DNAI7: variants seen among roughly 807,000 people sequenced by gnomAD.
DNAI7 encodes the protein cancer susceptibility 1.
A neutral mutation model predicts 86.6 loss-of-function variants in DNAI7; 78 were observed. The observed-to-expected ratio is 0.90, with a 90% CI of 0.75 to 1.09. DNAI7 has a LOEUF of 1.09. DNAI7 is among the 50% of genes least tolerant of loss of function. The pLI, the probability that DNAI7 is intolerant of heterozygous loss-of-function variation, is 0.00. For missense variants in DNAI7, 753 were observed against 810.2 expected (o/e 0.93, Z 0.86); for synonymous variants, 274 against 273.0 (o/e 1.00, Z -0.04).
At chr12:25,161,039 G>A in intron 3 of DNAI7, 74 bp downstream of exon 3, 2 of 1,042,586 alleles carry the variant, frequency 1.9e-6, no homozygotes, top group Non-Finnish European at 2.9e-6. Context: ...AAAAAATATT[G>A]ACTTTACTAC....
At position 25,114,785 on chromosome 12, in the gene DNAI7, G is replaced by A. The variant is rs148144728; in HGVS notation, c.1482C>T (p.Gly494=). 3.1e-6 allele frequency: 5 copies of A among 1,613,952 alleles called. No individual in the cohort carries two copies. In the East Asian group the frequency reaches 1.1e-4, roughly 36 times the overall value. ...RLVTFSLDTF[G]PVTLIQDAHI... ...GAGCATCTTGAATCAAGGTAACAGG[G>A]CCAAAGGTGTCCAGGCTGAATGTTA... The change falls in exon 13 of 16, where the codon GGC becomes GGT. Residue 494 remains glycine (G), a synonymous_variant. Transcript: ENST00000395987.
At chr12:25,132,305 C>G (rs1051162584) in intron 9 of DNAI7, among the ~76,000 whole-genome samples, 3 of 152,014 alleles carry the variant, frequency 2.0e-5, no homozygotes, top group Non-Finnish European at 4.4e-5. Flanking sequence ...CAAAAGATAG[C>G]CACTCTTTGG....
chr12:25,163,330 G>C (rs760703752), intron 2 of DNAI7, among the ~76,000 whole-genome samples: 11 of 152,010 alleles, frequency 7.2e-5, no homozygotes, highest in African/African-American at 2.4e-4. Context: ...AGTGAAAATG[G>C]CCTGTTCCTG....
chr12:25,195,099 A>G lies in DNAI7; in HGVS notation c.-21T>C, dbSNP rs756802516. On this transcript the variant is annotated 5_prime_UTR_variant, in exon 1 of 16. Transcript: ENST00000395987. ...ACCATTAAGAGTCAAGCTCCACTGC[A>G]GTAGTCCGCAGAGTCGGAGCAGAAA... 3 of 1,613,362 alleles carry G rather than the reference A, an allele frequency of 1.9e-6. No homozygotes were observed. The highest frequency in any genetic ancestry group is 2.5e-6 in the Non-Finnish European group (3 of 1,179,260).
chr12:25,110,477 C>T (rs1949734239), intron 14 of DNAI7, among the ~76,000 whole-genome samples: 1 of 152,172 alleles, frequency 6.6e-6, no homozygotes, highest in African/African-American at 2.4e-5. Context: ...TCCACATATA[C>T]CCCATTACCT....
At chr12:25,157,242 C>T (rs1946286775) in intron 4 of DNAI7, among the ~76,000 whole-genome samples, 1 of 140,322 alleles carries the variant, frequency 7.1e-6, no homozygotes, top group African/African-American at 2.7e-5. Flanking sequence ...TGTGCCACTG[C>T]ACTCCAGCCT....
At chr12:25,193,521 A>C (rs931520440) in intron 1 of DNAI7, among the ~76,000 whole-genome samples, 1 of 152,056 alleles carries the variant, frequency 6.6e-6, no homozygotes, top group Non-Finnish European at 1.5e-5. Flanking sequence ...TTCTTTAACC[A>C]CTCAGTTTGT....
intron 2 of DNAI7, among the ~76,000 whole-genome samples, chr12:25,186,012 GAAGAA>G (rs1949997676): frequency 6.6e-6 from 1 of 152,146 alleles, no homozygotes; most frequent in Non-Finnish European, 1.5e-5. Context: ...TTCTTCATTG[GAAGAA>G]AAGTCATAAA....
intron 6 of DNAI7, 98 bp downstream of exon 6, chr12:25,154,220 TA>T: frequency 1.1e-6 from 1 of 915,660 alleles, no homozygotes; most frequent in Non-Finnish European, 1.6e-6. Flanking sequence ...TCAAAAGCAG[TA>T]GTGTTATTAC....
downstream of DNAI7, chr12:25,107,126 C>A: frequency 3.0e-6 from 2 of 675,630 alleles, no homozygotes; most frequent in Non-Finnish European, 2.4e-6. Flanking sequence ...AGTATTAATC[C>A]TAATCAAATT....
At chr12:25,182,073 C>T (rs906280063) in intron 2 of DNAI7, among the ~76,000 whole-genome samples, 16 of 149,722 alleles carry the variant, frequency 1.1e-4, no homozygotes, top group African/African-American at 2.9e-4. Context: ...GTAGGCTGGG[C>T]GCGGTGGCTC....
Position 25,147,097 on chromosome 12 carries a change from C to T in DNAI7, c.593G>A (p.Ser198Asn). Reference sequence around the variant, plus strand: ...TCCACTGTCCAGATCTGCCAAAGTACTAGCTTGCTGTAAGAGAAAAAGAAA... The same window carrying T: ...TCCACTGTCCAGATCTGCCAAAGTATTAGCTTGCTGTAAGAGAAAAAGAAA... Reference protein sequence around the residue: ...VATEILLKQASTLADLDSGNM... With the variant: ...VATEILLKQANTLADLDSGNM... The change falls in exon 8 of 16, where the codon AGT becomes AAT. Residue 198 changes from serine (S) to asparagine (N), a missense_variant. Ser to Asn is a conservative substitution (Grantham distance 46). Coordinates refer to ENST00000395987, the MANE Select transcript of DNAI7 (RefSeq NM_018272.5). 6.4e-7 allele frequency: 1 copy of T among 1,563,818 alleles called. No homozygotes were observed. Among genetic ancestry groups the T allele is most frequent in the African/African-American group, 1.4e-5 (1 of 74,026 alleles).
intron 5 of DNAI7, among the ~76,000 whole-genome samples, 155 bp from the exon 6 acceptor site, chr12:25,154,611 A>C (rs1000112525): frequency 1.3e-5 from 2 of 152,238 alleles, no homozygotes; most frequent in South Asian, 4.1e-4. Context: ...GCTCTAAAAT[A>C]ACCAAGTTCT....
chr12:25,162,652 T>C (rs1946963964), intron 2 of DNAI7, among the ~76,000 whole-genome samples: 1 of 152,208 alleles, frequency 6.6e-6, no homozygotes, highest in African/African-American at 2.4e-5. Flanking sequence ...TCTAATCCAT[T>C]GCCTCTACCA....
At chr12:25,131,650 A>G (rs563573611) in intron 9 of DNAI7, among the ~76,000 whole-genome samples, 8 of 152,182 alleles carry the variant, frequency 5.3e-5, no homozygotes, top group African/African-American at 1.7e-4. Context: ...AGCACACCCA[A>G]CTGTAATGAA....
chr12:25,154,542 T>C (rs1444501577), intron 5 of DNAI7, 86 bp from the exon 6 acceptor site: 1 of 1,297,440 alleles, frequency 7.7e-7, no homozygotes, highest in Non-Finnish European at 1.1e-6. Flanking sequence ...TGAATTTTTA[T>C]AACCTAGTTT....
chr12:25,114,556 T>G, intron 13 of DNAI7, 100 bp downstream of exon 13: 1 of 702,466 alleles, frequency 1.4e-6, no homozygotes, highest in Admixed American at 2.5e-5. Context: ...TATTTCAATA[T>G]ATAAATCAGC....
At chr12:25,122,814 T>C (rs984510566) in intron 10 of DNAI7, among the ~76,000 whole-genome samples, 1 of 152,212 alleles carries the variant, frequency 6.6e-6, no homozygotes, top group African/African-American at 2.4e-5. Context: ...TGCCTATCAA[T>C]AGGGATTTAA....
chr12:25,149,649 T>C lies in DNAI7; in HGVS notation c.564A>G (p.Val188=), dbSNP rs555080030. Residue 188 remains valine, a synonymous_variant, in exon 7 of 16, where the codon GTA becomes GTG. Transcript: ENST00000395987. ...LQELLHLKFG[V]ATEILLKQAS... ...TTACTTTGAGAAGTATTTCTGTGGC[T>C]ACACCGAATTTAAGATGAAGGAGCT... The C allele has an allele frequency of 8.2e-5, 131 of 1,607,310 alleles. 1 individual carries two copies. The South Asian group carries it at 1.4e-3, about 17-fold the overall frequency.
Sources: allele counts gnomAD v4.1 joint callset (sites outside exome capture counted in the v4.1 genomes callset), GRCh38; gene constraint gnomAD v4.1.1; transcripts MANE v1.5; gene names NCBI Gene and HGNC (gene_info 2026-07-23, HGNC 2026-07-21).